The following UBR3 variants were observed in gnomAD, a reference collection of about 807,000 sequenced individuals.
The protein encoded by UBR3 is E3 ubiquitin-protein ligase UBR3.
In UBR3, 85 loss-of-function variants were observed where a neutral mutation model predicts 243.2. The observed-to-expected ratio is 0.35, with a 90% CI of 0.29 to 0.42. UBR3 has a LOEUF of 0.42. Ranked by LOEUF, UBR3 falls within the 10% of genes least tolerant of loss-of-function variation. The probability of loss-of-function intolerance (pLI) is 1.00; values close to 1 mark genes in which losing one functional copy is unlikely to be tolerated. For missense variants in UBR3, 1,686 were observed against 2,300.8 expected, an observed-to-expected ratio of 0.73 and a Z score of 5.47; for synonymous variants, 748 against 799.8, an observed-to-expected ratio of 0.94 and a Z score of 1.09.
At chr2:169,932,076 A>ATTTTTTTT (rs140968517) in intron 18 of UBR3, among the ~76,000 whole-genome samples, 3 of 145,920 alleles carry the variant, frequency 2.1e-5, no homozygotes, top group Non-Finnish European at 1.5e-5. Flanking sequence ...TAGCTCATTA[A>ATTTTTTTT]TTTTTTTTTT....
At chr2:169,835,994 T>TCCCC (rs1491528385) in intron 1 of UBR3, among the ~76,000 whole-genome samples, 883 of 5,882 alleles carry the variant, frequency 0.15, 91 homozygotes, top group African/African-American at 0.18. Flanking sequence ...GTGTGCACTG[T>TCCCC]CTCTCTCTCT....
chr2:169,948,910 TAAA>T (rs959465169), intron 22 of UBR3, among the ~76,000 whole-genome samples: 2 of 148,516 alleles, frequency 1.3e-5, no homozygotes, highest in African/African-American at 4.9e-5. Context: ...ATACTTAGTT[TAAA>T]AAAAAAACTG....
chr2:169,873,767 A>G (rs1369310154), intron 2 of UBR3, among the ~76,000 whole-genome samples: 1 of 152,208 alleles, frequency 6.6e-6, no homozygotes, highest in Non-Finnish European at 1.5e-5. Context: ...GTCTCTTCGG[A>G]ATGAAGGAAC....
intron 1 of UBR3, among the ~76,000 whole-genome samples, chr2:169,836,067 ATTTTTTTTTTTTT>A (rs60845808): frequency 6.1e-5 from 2 of 32,670 alleles, no homozygotes; most frequent in African/African-American, 2.4e-4. Flanking sequence ...ATATATATAT[ATTTTTTTTTTTTT>A]TTTTTTTTTT....
chr2:170,073,273 T>A, intron 35 of UBR3, 155 bp from the exon 36 acceptor site: 1 of 733,078 alleles, frequency 1.4e-6, no homozygotes, highest in Non-Finnish European at 2.2e-6. Context: ...AACCTTTTTC[T>A]CTCTTGTTTC....
intron 29 of UBR3, among the ~76,000 whole-genome samples, chr2:170,013,608 T>C (rs2090148422): frequency 6.6e-6 from 1 of 152,158 alleles, no homozygotes; most frequent in South Asian, 2.1e-4. Context: ...TTCTTTACAA[T>C]GAAATTCTTA....
intron 31 of UBR3, among the ~76,000 whole-genome samples, chr2:170,039,612 A>G (rs902575909): frequency 4.6e-5 from 7 of 152,178 alleles, no homozygotes; most frequent in Non-Finnish European, 1.0e-4. Flanking sequence ...CCTGACCTGT[A>G]GTAAGTAATT....
chr2:169,911,867 G>A (rs2085266480), intron 10 of UBR3, among the ~76,000 whole-genome samples: 1 of 152,132 alleles, frequency 6.6e-6, no homozygotes, highest in South Asian at 2.1e-4. Flanking sequence ...TTTTCAATGA[G>A]AGGTATGGAA....
At chr2:170,054,942 A>G (rs2091300844) in intron 32 of UBR3, among the ~76,000 whole-genome samples, 1 of 152,156 alleles carries the variant, frequency 6.6e-6, no homozygotes, top group African/African-American at 2.4e-5. Context: ...TCTCATTTAT[A>G]TGTTCTTTGG....
intron 1 of UBR3, among the ~76,000 whole-genome samples, chr2:169,859,315 C>A (rs947097539): frequency 1.3e-5 from 2 of 152,156 alleles, no homozygotes; most frequent in South Asian, 2.1e-4. Flanking sequence ...TCGTGATCCA[C>A]CCGCCTCGGC....
At chr2:170,012,014 A>G (rs59501219) in intron 29 of UBR3, among the ~76,000 whole-genome samples, 7,958 of 152,166 alleles carry the variant, frequency 0.052, 399 homozygotes, top group African/African-American at 0.13. Context: ...GGTGGTTTGT[A>G]TAGAGAAAAA....
chr2:169,972,726 A>G (rs2088220941), intron 24 of UBR3, among the ~76,000 whole-genome samples: 1 of 151,968 alleles, frequency 6.6e-6, no homozygotes, highest in Non-Finnish European at 1.5e-5. Context: ...CCTTCATGCT[A>G]AAAACTCTCA....
chr2:169,850,688 CA>C (rs1268974512), intron 1 of UBR3, among the ~76,000 whole-genome samples: 22 of 151,902 alleles, frequency 1.4e-4, no homozygotes, highest in African/African-American at 5.1e-4. Flanking sequence ...ACTAAAAATA[CA>C]AAAAATTAGC....
intron 2 of UBR3, 64 bp from the exon 3 acceptor site, chr2:169,875,727 A>T: frequency 7.5e-7 from 1 of 1,338,876 alleles, no homozygotes; most frequent in Non-Finnish European, 9.9e-7. Context: ...AAATACTGTT[A>T]TTTTTAGTAA....
intron 11 of UBR3, among the ~76,000 whole-genome samples, chr2:169,919,554 G>C (rs879465490): frequency 6.6e-6 from 1 of 152,142 alleles, no homozygotes; most frequent in Non-Finnish European, 1.5e-5. Context: ...AATTTTTGCA[G>C]TCTACTCATC....
intron 20 of UBR3, among the ~76,000 whole-genome samples, chr2:169,946,050 GA>G (rs2086780706): frequency 1.1e-5 from 1 of 90,212 alleles, no homozygotes; most frequent in Admixed American, 1.0e-4. Context: ...TTGTCATCAA[GA>G]GAAGAGTGTC....
In UBR3 at chr2:169,924,014, A is replaced by ATTCTG. The variant is rs1468860812; in HGVS notation, c.1932+25_1932+29dup. 6.5e-7 allele frequency: 1 copy of ATTCTG among 1,529,998 alleles called. No individual in the cohort carries two copies. The highest frequency in any genetic ancestry group is 8.8e-7 in the Non-Finnish European group (1 of 1,140,532). 94.8% of individuals were successfully genotyped at this position (1,529,998 alleles called of 1,614,324 possible). A position where few individuals can be genotyped will look rare whatever the true frequency, so the allele number is the denominator to read the frequency against. On this transcript the variant is annotated intron_variant, in intron 12 of 38. Coordinates refer to ENST00000272793, the MANE Select transcript of UBR3 (RefSeq NM_172070.4). ...AGTAAGGTAAGACTGTCATTAAACA[A>ATTCTG]TTCTGTTCTTTTTTTTTTAATTTTC...
rs369120766 is a variant in UBR3, at chr2:170,026,273, G to C, written c.4454-3073G>C. 3.3e-5 allele frequency among the ~76,000 whole-genome samples: 5 copies of C among 151,716 alleles called. No homozygotes were observed. In the East Asian group the frequency reaches 5.8e-4, roughly 18 times the overall value. On this transcript the variant is annotated intron_variant, in intron 30 of 38. Transcript: ENST00000272793. ...GTTTGTAGAGTGATGGTTTTATGTG[G>C]AGATCTTATGTTTCCAATGTATAAT...
intron 25 of UBR3, among the ~76,000 whole-genome samples, chr2:169,988,631 C>T (rs994760525): frequency 6.6e-6 from 1 of 151,572 alleles, no homozygotes; most frequent in Non-Finnish European, 1.5e-5. Context: ...ACAGTAAGAC[C>T]CTGTCTCTAC....
Sources: gnomAD v4.1 joint callset for allele counts (sites outside exome capture counted in the v4.1 genomes callset) on GRCh38, gnomAD v4.1.1 for gene constraint, MANE v1.5 for transcripts, NCBI Gene and HGNC (gene_info 2026-07-23, HGNC 2026-07-21) for gene names.